GRIP1: variants seen among roughly 807,000 people sequenced by gnomAD.
GRIP1 encodes the protein glutamate receptor-interacting protein 1.
GRIP1 carries 45 observed loss-of-function variants against 129.9 expected under a neutral mutation model. The ratio of observed to expected loss-of-function variants is 0.35; its 90% CI spans 0.27 to 0.44. The LOEUF is 0.44. GRIP1 is among the 20% of genes least tolerant of loss of function. The probability of loss-of-function intolerance (pLI) is 1.00; values close to 1 mark genes in which losing one functional copy is unlikely to be tolerated. For missense variants in GRIP1, 1,196 were observed against 1,396.8 expected, an observed-to-expected ratio of 0.86 and a Z score of 2.29; for synonymous variants, 530 against 520.8, an observed-to-expected ratio of 1.02 and a Z score of -0.24.
chr12:66,595,495 C>T (rs945991537), intron 2 of GRIP1, among the ~76,000 whole-genome samples: 5 of 152,146 alleles, frequency 3.3e-5, no homozygotes, highest in Admixed American at 3.3e-4. Flanking sequence ...ATACTCAGTA[C>T]CAGTGAATGT....
At chr12:66,750,548 C>A (rs1232817547) in intron 1 of GRIP1, among the ~76,000 whole-genome samples, 1 of 152,158 alleles carries the variant, frequency 6.6e-6, no homozygotes, top group Non-Finnish European at 1.5e-5. Context: ...GGAAACTGGG[C>A]ATAGGTATAA....
chr12:66,868,720 C>T (rs1002806027), intron 1 of GRIP1, among the ~76,000 whole-genome samples: 2 of 151,690 alleles, frequency 1.3e-5, no homozygotes, highest in East Asian at 3.9e-4. Flanking sequence ...ATTAAGGAAA[C>T]CTGAAGGCTA....
intron 19 of GRIP1, among the ~76,000 whole-genome samples, chr12:66,385,004 C>G (rs770813690): frequency 1.3e-5 from 2 of 152,112 alleles, no homozygotes; most frequent in African/African-American, 4.8e-5. Flanking sequence ...AGTTAACAGG[C>G]TCTGAGGAAT....
At chr12:66,821,825 T>C (rs188499998) in intron 1 of GRIP1, among the ~76,000 whole-genome samples, 539 of 152,292 alleles carry the variant, frequency 3.5e-3, no homozygotes, top group Non-Finnish European at 6.1e-3. Context: ...TGATTCTGTA[T>C]ACATTTCATC....
At chr12:66,561,936 G>C (rs1049192753) in intron 2 of GRIP1, among the ~76,000 whole-genome samples, 1 of 151,792 alleles carries the variant, frequency 6.6e-6, no homozygotes, top group Non-Finnish European at 1.5e-5. Flanking sequence ...TCTACAAAAA[G>C]ATTTAAAAAT....
intron 1 of GRIP1, among the ~76,000 whole-genome samples, chr12:66,971,193 T>G (rs1015135835): frequency 2.0e-5 from 3 of 152,152 alleles, no homozygotes; most frequent in Non-Finnish European, 4.4e-5. Flanking sequence ...ATCTTAGCTG[T>G]GACTGTCTGA....
At chr12:66,667,341 A>G (rs1342341087) in intron 1 of GRIP1, among the ~76,000 whole-genome samples, 1 of 152,072 alleles carries the variant, frequency 6.6e-6, no homozygotes, top group East Asian at 1.9e-4. Context: ...TGCTTTGTGG[A>G]TGTGATACCT....
intron 1 of GRIP1, among the ~76,000 whole-genome samples, chr12:66,924,300 C>CA (rs2041261009): frequency 6.6e-6 from 1 of 152,186 alleles, no homozygotes; most frequent in Non-Finnish European, 1.5e-5. Flanking sequence ...GCCTGGCACA[C>CA]AGTGGGCACA....
chr12:66,887,362 C>T (rs2040582831), intron 1 of GRIP1, among the ~76,000 whole-genome samples: 1 of 152,150 alleles, frequency 6.6e-6, no homozygotes, highest in South Asian at 2.1e-4. Context: ...CTCCCTGTGC[C>T]TCAACGTCCT....
intron 11 of GRIP1, among the ~76,000 whole-genome samples, chr12:66,449,572 C>T (rs772464994): frequency 3.3e-5 from 5 of 152,156 alleles, no homozygotes; most frequent in Non-Finnish European, 7.4e-5. Flanking sequence ...TGGAAGCTTG[C>T]AATTGCCAGG....
Position 66,736,346 on chromosome 12 carries a change from ATTTTTTTTTTTTTTTTTTTTTTTTTT to A in GRIP1, c.-420+67681_-420+67706del, listed in dbSNP as rs547706592. 1.3e-4 allele frequency among the ~76,000 whole-genome samples: 9 copies of A among 67,024 alleles called. No individual in the cohort carries two copies. The South Asian group carries it at 1.9e-3, about 15-fold the overall frequency. The allele number at this position is 67,024 out of a possible 152,430, so 44.0% of individuals were successfully genotyped here. Reference sequence around the variant, plus strand: ...AGGTGTGCACCACCGTGCCTGGCTAATTTTTTTTTTTTTTTTTTTTTTTTTTTTTTTTTTTTTTTTTTTTTTAGGAT... The same window carrying A: ...AGGTGTGCACCACCGTGCCTGGCTAATTTTTTTTTTTTTTTTTTTTAGGAT... On this transcript the variant is annotated intron_variant, in intron 1 of 4. Transcript: ENST00000538373.
At chr12:66,985,116 TC>T (rs2042292772) in intron 1 of GRIP1, among the ~76,000 whole-genome samples, 1 of 152,266 alleles carries the variant, frequency 6.6e-6, no homozygotes, top group African/African-American at 2.4e-5. Context: ...CTGGCTGGCT[TC>T]CAAGCAGCAT....
intron 2 of GRIP1, among the ~76,000 whole-genome samples, chr12:66,571,413 T>A (rs2062954272): frequency 6.6e-6 from 1 of 152,208 alleles, no homozygotes; most frequent in African/African-American, 2.4e-5. Flanking sequence ...TATGCACATA[T>A]AAGAACATAT....
Position 66,713,331 on chromosome 12 carries a change from G to A in GRIP1, c.-419-82995C>T, listed in dbSNP as rs7137099. Among the ~76,000 whole-genome samples the A allele has an allele frequency of 8.5e-3, 1,290 of 152,080 alleles. 18 individuals are homozygous for A. The highest frequency in any genetic ancestry group is 0.029 in the African/African-American group (1,191 of 41,508). On this transcript the variant is annotated intron_variant, in intron 1 of 4. Transcript: ENST00000538373. ...CATTTGTTTATTGATCACCTATTAT[G>A]TGCCAGGTAGTGTGTAAGGTATTAA...
chr12:66,784,680 G>GA (rs150359022), intron 1 of GRIP1, among the ~76,000 whole-genome samples: 41 of 151,258 alleles, frequency 2.7e-4, no homozygotes, highest in East Asian at 7.8e-4. Context: ...CTGCTTTCAG[G>GA]AAAAAAAAAT....
intron 1 of GRIP1, among the ~76,000 whole-genome samples, chr12:66,901,627 G>C (rs886717690): frequency 6.6e-6 from 1 of 152,228 alleles, no homozygotes; most frequent in Admixed American, 6.5e-5. Flanking sequence ...AAGCTGGGAT[G>C]TACAGTAGCC....
At chr12:66,547,804 G>A (rs1375817495) in intron 2 of GRIP1, among the ~76,000 whole-genome samples, 3 of 152,118 alleles carry the variant, frequency 2.0e-5, no homozygotes, top group Non-Finnish European at 2.9e-5. Flanking sequence ...AAAGAGTAAA[G>A]GATTGATCCT....
intron 1 of GRIP1, among the ~76,000 whole-genome samples, chr12:66,934,354 C>T (rs2041449721): frequency 6.6e-6 from 1 of 152,188 alleles, no homozygotes; most frequent in African/African-American, 2.4e-5. Context: ...AAGAAACTTT[C>T]CCTGACCCAG....
At chr12:66,403,857 C>T (rs543915667) in intron 16 of GRIP1, among the ~76,000 whole-genome samples, 1 of 152,296 alleles carries the variant, frequency 6.6e-6, no homozygotes, top group East Asian at 1.9e-4. Flanking sequence ...TTCAGAAACT[C>T]CTGCCAACTG....
Sources: gnomAD v4.1 joint callset for allele counts (sites outside exome capture counted in the v4.1 genomes callset) on GRCh38, gnomAD v4.1.1 for gene constraint, MANE v1.5 for transcripts, NCBI Gene and HGNC (gene_info 2026-07-23, HGNC 2026-07-21) for gene names.